Variants in DOCK4 observed in about 807,000 individuals in gnomAD.
The protein encoded by DOCK4 is dedicator of cytokinesis 4, also known as dedicator of cytokinesis protein 4.
A neutral mutation model predicts 268.1 loss-of-function variants in DOCK4; 97 were observed. The ratio of observed to expected loss-of-function variants is 0.36; its 90% CI spans 0.31 to 0.43. DOCK4 has a LOEUF of 0.43. Among genes scored for constraint, DOCK4 ranks in the 20% least tolerant of loss-of-function variants. The pLI, the probability that DOCK4 is intolerant of heterozygous loss-of-function variation, is 1.00. For synonymous variants in DOCK4, 954 were observed against 887.2 expected, an observed-to-expected ratio of 1.08 and a Z score of -1.34; for missense variants, 2,145 against 2,455.7, an observed-to-expected ratio of 0.87 and a Z score of 2.67.
Position 111,953,372 on chromosome 7 carries a change from T to G in DOCK4, c.702-7574A>C, listed in dbSNP as rs374283693. Among the ~76,000 whole-genome samples, 6 of 152,108 alleles carry G rather than the reference T, an allele frequency of 3.9e-5. No homozygotes were observed. The East Asian group carries it at 1.2e-3, about 29-fold the overall frequency. ...CTAAGAGGATGGTTCCAGGGTGCAG[T>G]GCTGACCCTAGAGCCTCTCCCTAAA... On this transcript the variant is annotated intron_variant, in intron 8 of 52. Coordinates refer to ENST00000428084, the MANE Select transcript of DOCK4 (RefSeq NM_001363540.2).
intron 12 of DOCK4, among the ~76,000 whole-genome samples, chr7:111,916,923 C>A (rs1452858582): frequency 1.3e-5 from 2 of 150,976 alleles, no homozygotes; most frequent in East Asian, 1.9e-4. Context: ...GAGTAGTAAA[C>A]CCTGAACCCA....
intron 1 of DOCK4, among the ~76,000 whole-genome samples, chr7:112,082,549 G>A (rs139768283): frequency 4.6e-5 from 7 of 152,214 alleles, no homozygotes; most frequent in African/African-American, 1.7e-4. Flanking sequence ...ATTGTTGTTC[G>A]CTACAAAATT....
chr7:112,045,873 C>T (rs1804779228), intron 1 of DOCK4, among the ~76,000 whole-genome samples: 1 of 152,140 alleles, frequency 6.6e-6, no homozygotes, highest in Admixed American at 6.6e-5. Flanking sequence ...GGTCAAATGC[C>T]GTTTGCCAAA....
intron 1 of DOCK4, among the ~76,000 whole-genome samples, chr7:112,197,666 A>T (rs1320019544): frequency 6.6e-6 from 1 of 152,234 alleles, no homozygotes; most frequent in East Asian, 1.9e-4. Context: ...ATGCCTCGAG[A>T]TGACTGCTGT....
intron 46 of DOCK4, 64 bp from the exon 47 acceptor site, chr7:111,741,278 G>C (rs978223220): frequency 6.3e-7 from 1 of 1,588,470 alleles, no homozygotes; most frequent in Non-Finnish European, 8.6e-7. Flanking sequence ...TCATGTGCTA[G>C]AATGCTATGA....
chr7:111,783,221 G>C (rs941955961), intron 34 of DOCK4, among the ~76,000 whole-genome samples: 6 of 152,122 alleles, frequency 3.9e-5, no homozygotes, highest in African/African-American at 1.4e-4. Flanking sequence ...ATGGGCTCAG[G>C]AAGTTAGAGG....
chr7:111,968,887 A>G (rs1220558407), intron 8 of DOCK4, among the ~76,000 whole-genome samples: 1 of 73,302 alleles, frequency 1.4e-5, no homozygotes, highest in Non-Finnish European at 2.4e-5. Context: ...GCCATAAAAA[A>G]TGATGAGTTC....
intron 4 of DOCK4, 41 bp downstream of exon 4, chr7:111,998,407 C>T: frequency 6.9e-7 from 1 of 1,457,292 alleles, no homozygotes; most frequent in South Asian, 1.3e-5. Flanking sequence ...AGCAAAGGCT[C>T]TGTGAAAATC....
At chr7:112,092,777 C>T (rs1045378992) in intron 1 of DOCK4, among the ~76,000 whole-genome samples, 2 of 152,086 alleles carry the variant, frequency 1.3e-5, no homozygotes, top group Non-Finnish European at 2.9e-5. Flanking sequence ...AATCACTATT[C>T]CAGTTTTGAA....
At chr7:112,053,431 T>C (rs1400063999) in intron 1 of DOCK4, among the ~76,000 whole-genome samples, 1 of 152,182 alleles carries the variant, frequency 6.6e-6, no homozygotes. Flanking sequence ...AAAAAAATTA[T>C]TCCACTCACT....
intron 39 of DOCK4, among the ~76,000 whole-genome samples, chr7:111,762,647 G>C (rs894407380): frequency 3.3e-5 from 5 of 151,536 alleles, no homozygotes; most frequent in African/African-American, 9.7e-5. Context: ...ATGCTGCTAT[G>C]ACGATTCAGA....
intron 1 of DOCK4, among the ~76,000 whole-genome samples, chr7:112,196,824 A>T (rs1012436083): frequency 6.6e-6 from 1 of 152,194 alleles, no homozygotes; most frequent in Non-Finnish European, 1.5e-5. Context: ...ACTGATGTTG[A>T]TATCACCTTA....
intron 1 of DOCK4, among the ~76,000 whole-genome samples, chr7:112,083,818 A>T (rs1045317672): frequency 6.6e-6 from 1 of 152,182 alleles, no homozygotes; most frequent in Non-Finnish European, 1.5e-5. Context: ...TTAGTTTAGT[A>T]CGGTAAATTA....
intron 8 of DOCK4, among the ~76,000 whole-genome samples, chr7:111,946,779 A>C (rs565730902): frequency 6.6e-6 from 1 of 152,176 alleles, no homozygotes; most frequent in South Asian, 2.1e-4. Context: ...ACAGCATTTC[A>C]CCATGTTGGC....
intron 32 of DOCK4, among the ~76,000 whole-genome samples, chr7:111,786,364 G>A (rs1036849653): frequency 3.9e-5 from 6 of 152,044 alleles, no homozygotes; most frequent in Admixed American, 1.3e-4. Flanking sequence ...CGGAATGAGC[G>A]AATCAGGTGG....
intron 39 of DOCK4, among the ~76,000 whole-genome samples, chr7:111,762,193 T>TA (rs1193181967): frequency 3.9e-5 from 6 of 152,052 alleles, no homozygotes; most frequent in Admixed American, 2.6e-4. Flanking sequence ...TTTTTTTTTC[T>TA]AAAAAAACAC....
At chr7:111,853,499 T>C (rs1804749520) in intron 23 of DOCK4, among the ~76,000 whole-genome samples, 1 of 152,148 alleles carries the variant, frequency 6.6e-6, no homozygotes, top group African/African-American at 2.4e-5. Flanking sequence ...ACTGCCAAAG[T>C]CAGAGCCAGT....
intron 1 of DOCK4, among the ~76,000 whole-genome samples, chr7:112,067,369 T>C (rs1465655426): frequency 1.3e-5 from 2 of 152,140 alleles, no homozygotes; most frequent in African/African-American, 2.4e-5. Flanking sequence ...AAGACAGTGC[T>C]TCTTTCTGGA....
At chr7:111,945,230 G>A (rs1398178969) in intron 9 of DOCK4, among the ~76,000 whole-genome samples, 3 of 152,152 alleles carry the variant, frequency 2.0e-5, no homozygotes, top group Non-Finnish European at 4.4e-5. Flanking sequence ...TTGTTGCCCA[G>A]GCAGGAGTGC....
Sources: allele counts gnomAD v4.1 joint callset (sites outside exome capture counted in the v4.1 genomes callset), GRCh38; gene constraint gnomAD v4.1.1; transcripts MANE v1.5; gene names NCBI Gene and HGNC (gene_info 2026-07-23, HGNC 2026-07-21).